The following ZNF442 variants were observed in gnomAD, a reference collection of about 807,000 sequenced individuals.
ZNF442 encodes zinc finger protein 442.
ZNF442 carries 45 observed loss-of-function variants against 57.0 expected under a neutral mutation model. The observed-to-expected ratio is 0.79, with a 90% CI of 0.62 to 1.01. ZNF442 has a LOEUF of 1.01. ZNF442 is among the 50% of genes least tolerant of loss of function. The probability of loss-of-function intolerance (pLI) is 0.00; values close to 1 mark genes in which losing one functional copy is unlikely to be tolerated. For synonymous variants in ZNF442, 213 were observed against 241.8 expected, an observed-to-expected ratio of 0.88 and a Z score of 1.10; for missense variants, 690 against 756.5, an observed-to-expected ratio of 0.91 and a Z score of 1.03.
chr19:12,349,710 A>C lies in ZNF442; in HGVS notation c.1875T>G (p.Asp625Glu), dbSNP rs1434405540. The stretch of plus-strand genomic sequence containing the variant: ...GAATGCTTTTCCACATTTATAGAGT[A>C]TCTCTCCAGTGAGTCCTTTTATGTC... ...LHRHKRTHWR[D>E]TL Residue 625 changes from aspartate (D) to glutamate (E), a missense_variant, in exon 6 of 6, where the codon GAT becomes GAG. By Grantham distance (45) the Asp-to-Glu change is conservative (BLOSUM62 2). Transcript: ENST00000242804. 3.7e-6 allele frequency: 6 copies of C among 1,601,582 alleles called. No individual in the cohort carries two copies. Among genetic ancestry groups the C allele is most frequent in the Non-Finnish European group, 5.1e-6 (6 of 1,174,630 alleles).
intron 3 of ZNF442, among the ~76,000 whole-genome samples, chr19:12,358,705 T>A (rs1219261015): frequency 1.3e-5 from 2 of 152,332 alleles, no homozygotes; most frequent in South Asian, 2.1e-4. Flanking sequence ...TCAGTTATGC[T>A]TCTGACCTGT....
At chr19:12,367,317 AG>A (rs1432363698), upstream of ZNF442, among the ~76,000 whole-genome samples, 3 of 152,266 alleles carry the variant, frequency 2.0e-5, no homozygotes, top group Middle Eastern at 3.4e-3. Flanking sequence ...CTAATAGGGG[AG>A]GGGGTGTACG....
intron 3 of ZNF442, among the ~76,000 whole-genome samples, chr19:12,362,986 A>T (rs1250216963): frequency 6.7e-6 from 1 of 148,562 alleles, no homozygotes; most frequent in South Asian, 2.1e-4. Context: ...TACTAAAAAT[A>T]CAAAAAACAA....
Position 12,352,080 on chromosome 19 carries a change from G to A in ZNF442, c.206-10C>T. The A allele has an allele frequency of 6.2e-7, 1 of 1,610,680 alleles. No homozygotes were observed. Among genetic ancestry groups the A allele is most frequent in the Non-Finnish European group, 8.5e-7 (1 of 1,178,720 alleles). On this transcript the variant is annotated splice_polypyrimidine_tract_variant and intron_variant, in intron 4 of 5. Transcript: ENST00000242804. ...TCTTCCCATTTCATTCCTAAAAGGT[G>A]GACACAGAAAAAACACTGTAGATTA... is the stretch of plus-strand genomic sequence containing the variant.
Position 12,350,167 on chromosome 19 carries a change from T to G in ZNF442, c.1418A>C (p.Tyr473Ser), listed in dbSNP as rs199714064. The G allele has an allele frequency of 6.2e-6, 10 of 1,613,540 alleles. No individual in the cohort carries two copies. Among genetic ancestry groups the G allele is most frequent in the Non-Finnish European group, 7.6e-6 (9 of 1,179,864 alleles). Residue 473 changes from tyrosine to serine, a missense_variant, in exon 6 of 6, where the codon TAT (tyrosine) becomes TCT (serine). Coordinates refer to ENST00000242804, the MANE Select transcript of ZNF442 (RefSeq NM_030824.3). ...AGTTGTTTCATGATTTTGAAAGGAATAGAAATCAATAAAGGCTTTCCCACA... is the reference window on the plus strand; with the variant it reads ...AGTTGTTTCATGATTTTGAAAGGAAGAGAAATCAATAAAGGCTTTCCCACA... ...CKCGKAFIDF[Y>S]SFQNHETTHT...
intron 3 of ZNF442, among the ~76,000 whole-genome samples, chr19:12,359,980 G>GA (rs112367863): frequency 2.8e-3 from 416 of 146,272 alleles, no homozygotes; most frequent in Non-Finnish European, 4.5e-3. Flanking sequence ...AGACTCTCAA[G>GA]AAAAAAAAAA....
chr19:12,349,291 C>G lies in ZNF442; in HGVS notation c.*410G>C, dbSNP rs567251325. Reference sequence around the variant, plus strand: ...CTGTGATGGTTGGGTCTGTTCTCAACAGCACAGGATTATTTTCATATCACG... The same window carrying G: ...CTGTGATGGTTGGGTCTGTTCTCAAGAGCACAGGATTATTTTCATATCACG... On this transcript the variant is annotated 3_prime_UTR_variant, in exon 6 of 6. Transcript: ENST00000242804. The G allele has an allele frequency of 6.8e-5, 11 of 161,426 alleles. No homozygotes were observed. The East Asian group carries it at 2.0e-3, about 29-fold the overall frequency. The allele number at this position is 161,426 out of a possible 1,614,324, so 10.0% of individuals were successfully genotyped here.
chr19:12,361,199 TAAA>T (rs1969419425), intron 3 of ZNF442, among the ~76,000 whole-genome samples: 1 of 151,914 alleles, frequency 6.6e-6, no homozygotes, highest in Non-Finnish European at 1.5e-5. Context: ...CTCAAAAAAA[TAAA>T]AAATAAATAA....
chr19:12,365,335 C>A, intron 1 of ZNF442, 92 bp from the exon 2 acceptor site: 1 of 213,130 alleles, frequency 4.7e-6, no homozygotes, highest in Non-Finnish European at 9.6e-6. Flanking sequence ...GGACAGGACG[C>A]CCGGGGTCCC....
intron 3 of ZNF442, among the ~76,000 whole-genome samples, chr19:12,357,345 CTTTCT>C (rs1363193987): frequency 1.7e-5 from 2 of 120,428 alleles, no homozygotes; most frequent in African/African-American, 3.2e-5. Context: ...ATTTCTTTTT[CTTTCT>C]TTTTTTTTTT....
intron 3 of ZNF442, among the ~76,000 whole-genome samples, chr19:12,354,728 A>C (rs1429634694): frequency 6.6e-6 from 1 of 152,212 alleles, no homozygotes; most frequent in Non-Finnish European, 1.5e-5. Context: ...GTGCCAGCAC[A>C]CTCAGCTAAA....
intron 3 of ZNF442, among the ~76,000 whole-genome samples, chr19:12,362,658 G>A (rs201547954): frequency 3.7e-5 from 5 of 134,736 alleles, no homozygotes; most frequent in South Asian, 2.2e-4. Context: ...CGGCCGCCCC[G>A]TCTGGGAGGT....
At chr19:12,366,591 C>T (rs1055923254), upstream of ZNF442, among the ~76,000 whole-genome samples, 2 of 152,180 alleles carry the variant, frequency 1.3e-5, no homozygotes, top group African/African-American at 4.8e-5. Context: ...CACTCCCTTT[C>T]CTTTCCCATA....
rs1404551367 is a variant in ZNF442 at position 12,358,464 on chromosome 19, C to A, written c.78+5090G>T. ...CCTCCACTTAGGTCGATTCCCTTAT[C>A]TTTGCTTTGTGAATAGTGCTGCAAT... On this transcript the variant is annotated intron_variant, in intron 3 of 5. Transcript: ENST00000242804. 2.0e-5 allele frequency among the ~76,000 whole-genome samples: 3 copies of A among 152,192 alleles called. No homozygotes were observed. In the East Asian group the frequency reaches 5.8e-4, roughly 29 times the overall value.
chr19:12,371,162 A>G, the ZNF442 span, among the ~76,000 whole-genome samples: 4 of 152,216 alleles, frequency 2.6e-5, no homozygotes, highest in Admixed American at 6.5e-5. Flanking sequence ...GTGTAATTCA[A>G]TGAAACAAAA....
chr19:12,360,353 C>A (rs1001034592), intron 3 of ZNF442, among the ~76,000 whole-genome samples: 1 of 152,168 alleles, frequency 6.6e-6, no homozygotes. Flanking sequence ...TGCTCTGTAG[C>A]TTCTTTAAGT....
chr19:12,372,720 C>T, the ZNF442 span, among the ~76,000 whole-genome samples: 1 of 152,282 alleles, frequency 6.6e-6, no homozygotes, highest in Admixed American at 6.5e-5. Context: ...CCTTTTATGA[C>T]AATTCTTTGA....
rs1969153589 is a variant in ZNF442, at chr19:12,347,998, T to C, written c.*1703A>G. The C allele has an allele frequency of 6.6e-6, 1 of 152,142 alleles. No individual in the cohort carries two copies. The highest frequency in any genetic ancestry group is 2.1e-4 in the South Asian group (1 of 4,836). The allele number at this position is 152,142 out of a possible 1,614,324, so 9.4% of individuals were successfully genotyped here. A position where few individuals can be genotyped will look rare whatever the true frequency, so the allele number is the denominator to read the frequency against. ...TATCAAAGATGTGACACTTGAAACA[T>C]GTGCAGCAGTTTTTGGGGCATCTAC... On this transcript the variant is annotated 3_prime_UTR_variant, in exon 6 of 6. Coordinates refer to ENST00000242804, the MANE Select transcript of ZNF442 (RefSeq NM_030824.3).
chr19:12,361,519 TAAAG>T (rs1200249815), intron 3 of ZNF442, among the ~76,000 whole-genome samples: 12 of 152,150 alleles, frequency 7.9e-5, no homozygotes, highest in African/African-American at 2.4e-4. Flanking sequence ...TCTGCAGCCA[TAAAG>T]AAAGTACGAC....
Sources: gnomAD v4.1 joint callset for allele counts (sites outside exome capture counted in the v4.1 genomes callset) on GRCh38, gnomAD v4.1.1 for gene constraint, MANE v1.5 for transcripts, NCBI Gene and HGNC (gene_info 2026-07-23, HGNC 2026-07-21) for gene names.